The following RGS22 variants were observed in gnomAD, a reference collection of about 807,000 sequenced individuals.
RGS22 encodes the protein regulator of G-protein signaling 22.
A neutral mutation model predicts 172.9 loss-of-function variants in RGS22; 148 were observed. The ratio of observed to expected loss-of-function variants is 0.86; its 90% CI spans 0.75 to 0.98. RGS22 has a LOEUF of 0.98. Ranked by LOEUF, RGS22 falls within the 50% of genes least tolerant of loss-of-function variation. The pLI, the probability that RGS22 is intolerant of heterozygous loss-of-function variation, is 0.00. For synonymous variants in RGS22, 458 were observed against 480.2 expected, an observed-to-expected ratio of 0.95 and a Z score of 0.60; for missense variants, 1,347 against 1,440.8, an observed-to-expected ratio of 0.93 and a Z score of 1.05.
At chr8:99,967,225 C>T (rs145964769) in intron 23 of RGS22, among the ~76,000 whole-genome samples, 371 of 152,304 alleles carry the variant, frequency 2.4e-3, no homozygotes, top group Non-Finnish European at 4.3e-3. Context: ...GTCTTCACAA[C>T]CTGCAGGCTA....
chr8:99,982,158 T>G, intron 21 of RGS22, 42 bp from the exon 22 acceptor site: 2 of 1,433,052 alleles, frequency 1.4e-6, no homozygotes, highest in Non-Finnish European at 1.9e-6. Context: ...ATTAATGCAT[T>G]ACCAGAACAC....
chr8:100,106,029 CG>C lies in RGS22; in HGVS notation c.-109del. The C allele has an allele frequency of 1.7e-6, 2 of 1,186,072 alleles. No individual in the cohort carries two copies. The highest frequency in any genetic ancestry group is 2.1e-6 in the Non-Finnish European group (2 of 959,388). The allele number at this position is 1,186,072 out of a possible 1,614,324, so 73.5% of individuals were successfully genotyped here. A position where few individuals can be genotyped will look rare whatever the true frequency, so the allele number is the denominator to read the frequency against. On this transcript the variant is annotated 5_prime_UTR_variant, in exon 1 of 28. Coordinates refer to ENST00000360863, the MANE Select transcript of RGS22 (RefSeq NM_015668.5). ...CGACGCGGCGACGGCGCGCGGGCTCCGGAGCTACGCTGGCTAGCGTGGCCGG... is the reference window on the plus strand; with the variant it reads ...CGACGCGGCGACGGCGCGCGGGCTCCGAGCTACGCTGGCTAGCGTGGCCGG...
At chr8:99,964,562 ACT>A (rs1810535440) in intron 24 of RGS22, among the ~76,000 whole-genome samples, 1 of 150,738 alleles carries the variant, frequency 6.6e-6, no homozygotes, top group African/African-American at 2.4e-5. Flanking sequence ...CCCCTTTCAC[ACT>A]GTGTTTCTAA....
intron 9 of RGS22, among the ~76,000 whole-genome samples, chr8:100,054,844 A>G (rs1395622494): frequency 6.6e-6 from 1 of 152,192 alleles, no homozygotes; most frequent in Non-Finnish European, 1.5e-5. Context: ...TTTATCAAAT[A>G]AATCATACAT....
At chr8:100,080,088 C>A in intron 4 of RGS22, 46 bp downstream of exon 4, 1 of 1,344,986 alleles carries the variant, frequency 7.4e-7, no homozygotes, top group South Asian at 1.3e-5. Context: ...TTAATTTCAC[C>A]AAATGCTTTA....
rs150853705 is a variant in RGS22 at position 100,021,711 on chromosome 8, G to C, written c.2167-13142C>G. 3.4e-3 allele frequency among the ~76,000 whole-genome samples: 516 copies of C among 151,718 alleles called. 2 individuals carry two copies. The highest frequency in any genetic ancestry group is 0.011 in the African/African-American group (467 of 41,334). On this transcript the variant is annotated intron_variant, in intron 14 of 27. Transcript: ENST00000360863. ...AAGTAACATGGGATCTGCTCAACTG[G>C]GCTCAATAACTCTATGCTTGGACTT...
chr8:99,962,589 C>T (rs1810322790), intron 26 of RGS22, 98 bp downstream of exon 26: 1 of 1,419,308 alleles, frequency 7.0e-7, no homozygotes, highest in Non-Finnish European at 9.8e-7. Context: ...GGTCGGTCCT[C>T]ACCCCTTCCT....
intron 20 of RGS22, among the ~76,000 whole-genome samples, chr8:99,993,347 T>C (rs1180056066): frequency 2.0e-5 from 3 of 151,982 alleles, no homozygotes; most frequent in African/African-American, 7.2e-5. Context: ...GTTGAAAAGA[T>C]CAACAAAATT....
chr8:100,081,540 G>T (rs1011539712), intron 3 of RGS22, among the ~76,000 whole-genome samples: 1 of 151,834 alleles, frequency 6.6e-6, no homozygotes, highest in African/African-American at 2.4e-5. Flanking sequence ...GATAAGTATT[G>T]CTCAATGAGT....
At chr8:99,982,193 T>C in intron 21 of RGS22, 77 bp from the exon 22 acceptor site, 1 of 1,122,498 alleles carries the variant, frequency 8.9e-7, no homozygotes, top group Non-Finnish European at 1.2e-6. Context: ...TCAATATGTG[T>C]TTCAATTAAT....
chr8:100,083,093 A>G (rs1241934451), intron 3 of RGS22, among the ~76,000 whole-genome samples: 3 of 152,206 alleles, frequency 2.0e-5, no homozygotes, highest in Admixed American at 1.3e-4. Context: ...CCTAAGTAGG[A>G]AAGTAAATAG....
chr8:99,969,434 C>T (rs374619110), intron 23 of RGS22, among the ~76,000 whole-genome samples: 2 of 152,104 alleles, frequency 1.3e-5, no homozygotes, highest in East Asian at 3.9e-4. Context: ...AATTAAAAGA[C>T]ACAAACTGGC....
At chr8:100,010,168 T>G (rs1481607788) in intron 14 of RGS22, among the ~76,000 whole-genome samples, 1 of 152,112 alleles carries the variant, frequency 6.6e-6, no homozygotes, top group Non-Finnish European at 1.5e-5. Flanking sequence ...ATACCTTGTC[T>G]GCTTGATAAA....
chr8:99,967,619 G>A (rs1378619248), intron 23 of RGS22, among the ~76,000 whole-genome samples: 1 of 152,188 alleles, frequency 6.6e-6, no homozygotes, highest in Non-Finnish European at 1.5e-5. Flanking sequence ...CCGCTGGGAA[G>A]TTTGAATGGT....
At chr8:100,080,015 A>G in intron 4 of RGS22, 119 bp downstream of exon 4, 1 of 703,178 alleles carries the variant, frequency 1.4e-6, no homozygotes. Context: ...TACTATGTGT[A>G]CGTACAACAC....
intron 19 of RGS22, among the ~76,000 whole-genome samples, chr8:99,998,430 G>A (rs1474517876): frequency 6.6e-6 from 1 of 152,088 alleles, no homozygotes; most frequent in East Asian, 1.9e-4. Flanking sequence ...TCACAGCTGG[G>A]CACTGTGGAA....
intron 2 of RGS22, among the ~76,000 whole-genome samples, chr8:100,103,639 C>T (rs1477563667): frequency 1.5e-5 from 2 of 130,988 alleles, no homozygotes; most frequent in African/African-American, 2.5e-5. Flanking sequence ...GGAAGTCCCA[C>T]GAAACAGGGG....
chr8:99,971,016 A>G (rs1189023496), intron 23 of RGS22, among the ~76,000 whole-genome samples: 2 of 152,210 alleles, frequency 1.3e-5, no homozygotes, highest in African/African-American at 4.8e-5. Context: ...GTACATCAAA[A>G]AGCTTATCCA....
At chr8:99,991,538 A>T (rs1813720276) in intron 20 of RGS22, among the ~76,000 whole-genome samples, 1 of 152,224 alleles carries the variant, frequency 6.6e-6, no homozygotes, top group African/African-American at 2.4e-5. Context: ...CAAATTAATG[A>T]AATAAAGCAA....
Sources: allele counts gnomAD v4.1 joint callset (sites outside exome capture counted in the v4.1 genomes callset), GRCh38; gene constraint gnomAD v4.1.1; transcripts MANE v1.5; gene names NCBI Gene and HGNC (gene_info 2026-07-23, HGNC 2026-07-21).